Variants in SORCS1 observed in about 807,000 individuals in gnomAD.
The protein encoded by SORCS1 is sortilin related VPS10 domain containing receptor 1.
SORCS1 carries 60 observed loss-of-function variants against 146.1 expected under a neutral mutation model. The ratio of observed to expected loss-of-function variants is 0.41; its 90% CI spans 0.33 to 0.51. The LOEUF is 0.51. SORCS1 is among the 20% of genes least tolerant of loss of function. SORCS1 has a pLI of 0.21. For synonymous variants in SORCS1, 637 were observed against 584.0 expected (o/e 1.09, Z -1.31); for missense variants, 1,352 against 1,487.6 (o/e 0.91, Z 1.50).
At chr10:106,751,625 T>C (rs1019750473) in intron 5 of SORCS1, among the ~76,000 whole-genome samples, 1 of 152,202 alleles carries the variant, frequency 6.6e-6, no homozygotes, top group Non-Finnish European at 1.5e-5. Flanking sequence ...GTGCCTTTCA[T>C]GGATCTAAAA....
intron 18 of SORCS1, among the ~76,000 whole-genome samples, chr10:106,636,454 GT>G (rs1331534271): frequency 6.6e-6 from 1 of 152,102 alleles, no homozygotes; most frequent in Non-Finnish European, 1.5e-5. Context: ...CTGAGACTGG[GT>G]AATTTATAAA....
chr10:106,891,342 G>C (rs1486968434), intron 2 of SORCS1, among the ~76,000 whole-genome samples: 2 of 152,024 alleles, frequency 1.3e-5, no homozygotes, highest in African/African-American at 4.8e-5. Context: ...TGAACAACAA[G>C]TTAGCAAAAA....
Position 106,823,776 on chromosome 10 carries a change from G to C in SORCS1, c.726+5798C>G, listed in dbSNP as rs1948166321. On this transcript the variant is annotated intron_variant, in intron 3 of 25. Transcript: ENST00000263054. ...AAATTGATTAAATTTTATGGAAGAG[G>C]TGGCATTTAAGGTTCACTTTCAAGG... 2.0e-5 allele frequency among the ~76,000 whole-genome samples: 3 copies of C among 152,174 alleles called. No homozygotes were observed. The South Asian group carries it at 6.2e-4, about 32-fold the overall frequency.
At chr10:106,685,459 G>GA (rs1239748580) in intron 10 of SORCS1, among the ~76,000 whole-genome samples, 1 of 151,938 alleles carries the variant, frequency 6.6e-6, no homozygotes, top group South Asian at 2.1e-4. Context: ...GGACCATGAA[G>GA]AAAAAAAGAG....
chr10:107,060,617 A>G lies in SORCS1; in HGVS notation c.558+103352T>C, dbSNP rs1240225476. Reference sequence around the variant, plus strand: ...CAGGAAAAGGAGCTGCCCAATCTATATCTTTGCCAACAACCCTTTTCCCTT... The same window carrying G: ...CAGGAAAAGGAGCTGCCCAATCTATGTCTTTGCCAACAACCCTTTTCCCTT... On this transcript the variant is annotated intron_variant, in intron 1 of 25. Coordinates refer to ENST00000263054, the MANE Select transcript of SORCS1 (RefSeq NM_052918.5). The surrounding 1 kb of genome is among the most constrained non-coding windows in gnomAD (Gnocchi z 4.1). Among the ~76,000 whole-genome samples, 1 of 152,108 alleles carries G rather than the reference A, an allele frequency of 6.6e-6. No homozygotes were observed. Among genetic ancestry groups the G allele is most frequent in the Non-Finnish European group, 1.5e-5 (1 of 68,020 alleles).
At chr10:107,009,395 T>C (rs748512289) in intron 1 of SORCS1, among the ~76,000 whole-genome samples, 2 of 152,214 alleles carry the variant, frequency 1.3e-5, no homozygotes, top group Non-Finnish European at 2.9e-5. Context: ...GAGTTCCAGA[T>C]TTTTATTTTT....
intron 25 of SORCS1, 79 bp downstream of exon 25, chr10:106,579,290 A>G: frequency 6.2e-7 from 1 of 1,613,990 alleles, no homozygotes. Flanking sequence ...TATGCACATC[A>G]CTGTAACACA....
intron 1 of SORCS1, among the ~76,000 whole-genome samples, chr10:106,984,402 T>C (rs192135045): frequency 8.1e-5 from 12 of 148,832 alleles, no homozygotes; most frequent in African/African-American, 1.5e-4. Flanking sequence ...CCATTTTTTT[T>C]TTTTTTTTTG....
At chr10:107,173,084 G>A in the SORCS1 span, among the ~76,000 whole-genome samples, 1 of 152,136 alleles carries the variant, frequency 6.6e-6, no homozygotes, top group South Asian at 2.1e-4. Context: ...GCAGGATCCT[G>A]TACCTTCTCA....
At chr10:106,657,862 T>A (rs1204010964) in intron 17 of SORCS1, among the ~76,000 whole-genome samples, 1 of 152,020 alleles carries the variant, frequency 6.6e-6, no homozygotes, top group African/African-American at 2.4e-5. Flanking sequence ...AATTATGGAA[T>A]CTTTTCCTAA....
chr10:106,788,498 G>A (rs1946163431), intron 3 of SORCS1, among the ~76,000 whole-genome samples: 1 of 152,148 alleles, frequency 6.6e-6, no homozygotes, highest in Non-Finnish European at 1.5e-5. Flanking sequence ...ACAGGTATTG[G>A]GTAAATGCTC....
intron 1 of SORCS1, among the ~76,000 whole-genome samples, chr10:107,002,520 A>G (rs879282887): frequency 4.6e-5 from 7 of 152,218 alleles, no homozygotes; most frequent in African/African-American, 1.7e-4. Context: ...ATAATGAAGC[A>G]AAAACTATAG....
At chr10:106,740,050 C>G (rs1451192656) in intron 5 of SORCS1, among the ~76,000 whole-genome samples, 1 of 151,994 alleles carries the variant, frequency 6.6e-6, no homozygotes, top group Non-Finnish European at 1.5e-5. Flanking sequence ...TCCAGAACAG[C>G]TATCTCCACA....
intron 1 of SORCS1, among the ~76,000 whole-genome samples, chr10:107,099,002 C>A (rs979898022): frequency 1.3e-5 from 2 of 152,182 alleles, no homozygotes; most frequent in Non-Finnish European, 2.9e-5. Context: ...GAATTAGTCC[C>A]AGCACAAGCT....
upstream of SORCS1, among the ~76,000 whole-genome samples, chr10:107,164,931 G>A (rs1256756916): frequency 2.0e-5 from 3 of 149,288 alleles, no homozygotes; most frequent in Non-Finnish European, 3.0e-5. The surrounding 1 kb of genome is among the most constrained non-coding windows in gnomAD (Gnocchi z 6.8). Context: ...AGGCGCTGCC[G>A]CCGCCTCTCC....
At position 107,052,435 on chromosome 10, in the gene SORCS1, G is replaced by T. The variant is rs1960208161; in HGVS notation, c.559-95855C>A. On this transcript the variant is annotated intron_variant, in intron 1 of 25. Transcript: ENST00000263054. ...TTGGGATTCTTTTTTTAAGTTAAAGGAGGTATAATTACCCAGGACAACAAA... is the reference window on the plus strand; with the variant it reads ...TTGGGATTCTTTTTTTAAGTTAAAGTAGGTATAATTACCCAGGACAACAAA... Among the ~76,000 whole-genome samples the T allele has an allele frequency of 2.0e-5, 3 of 152,058 alleles. No homozygotes were observed. In the South Asian group the frequency reaches 6.2e-4, roughly 32 times the overall value.
chr10:106,806,874 T>C (rs924776008), intron 3 of SORCS1, among the ~76,000 whole-genome samples: 1 of 152,104 alleles, frequency 6.6e-6, no homozygotes, highest in African/African-American at 2.4e-5. Context: ...GACAAATGCA[T>C]AATTGCTTGG....
At chr10:106,952,961 T>A (rs1954762548) in intron 2 of SORCS1, among the ~76,000 whole-genome samples, 1 of 151,906 alleles carries the variant, frequency 6.6e-6, no homozygotes, top group South Asian at 2.1e-4. Flanking sequence ...CCAGCCTGGG[T>A]GACAGGGTGA....
chr10:106,767,858 C>G lies in SORCS1; in HGVS notation c.886-6197G>C, dbSNP rs141829626. On this transcript the variant is annotated intron_variant, in intron 4 of 25. Transcript: ENST00000263054. ...ATGAAGAACTAGCTAAAAATTTGGACAAACAAATACCTCTCTTTCAAAGCC... is the reference window on the plus strand; with the variant it reads ...ATGAAGAACTAGCTAAAAATTTGGAGAAACAAATACCTCTCTTTCAAAGCC... Among the ~76,000 whole-genome samples the G allele has an allele frequency of 2.5e-3, 383 of 152,232 alleles. 2 individuals carry two copies. The highest frequency in any genetic ancestry group is 4.3e-3 in the Non-Finnish European group (292 of 67,992).
Sources: allele counts gnomAD v4.1 joint callset (sites outside exome capture counted in the v4.1 genomes callset), GRCh38; gene constraint gnomAD v4.1.1; non-coding constraint Gnocchi (gnomAD v3.1); transcripts MANE v1.5; gene names NCBI Gene and HGNC (gene_info 2026-07-23, HGNC 2026-07-21).